CLINT1: variants seen among roughly 807,000 people sequenced by gnomAD.
The protein encoded by CLINT1 is clathrin interactor 1.
In CLINT1, 15 loss-of-function variants were observed where a neutral mutation model predicts 70.4. That is an observed-to-expected ratio of 0.21 (90% CI 0.14 to 0.33). The LOEUF is 0.33. Ranked by LOEUF, CLINT1 falls within the 10% of genes least tolerant of loss-of-function variation. The pLI is 1.00. For missense variants in CLINT1, 615 were observed against 778.1 expected (o/e 0.79, Z 2.49); for synonymous variants, 227 against 254.7 (o/e 0.89, Z 1.04).
intron 1 of CLINT1, among the ~76,000 whole-genome samples, chr5:157,856,812 C>T (rs1221609021): frequency 2.0e-5 from 3 of 152,166 alleles, no homozygotes; most frequent in Admixed American, 6.5e-5. Context: ...AAGTCTACAT[C>T]CTAAATTGGG....
chr5:157,813,039 T>G (rs1291839628), intron 5 of CLINT1, 24 bp downstream of exon 5: 1 of 1,604,526 alleles, frequency 6.2e-7, no homozygotes, highest in African/African-American at 1.3e-5. Flanking sequence ...GATGCTTAGG[T>G]GTCAGCTTGT....
chr5:157,798,679 T>C (rs1024787217), intron 8 of CLINT1, among the ~76,000 whole-genome samples: 3 of 152,068 alleles, frequency 2.0e-5, no homozygotes, highest in Admixed American at 2.0e-4. Flanking sequence ...AGAACATGAA[T>C]AGATAGTAAC....
chr5:157,845,491 T>C (rs1294615002), intron 1 of CLINT1, among the ~76,000 whole-genome samples: 3 of 152,206 alleles, frequency 2.0e-5, no homozygotes, highest in Non-Finnish European at 4.4e-5. Flanking sequence ...TTACTGTGCT[T>C]TGCTTTACTG....
At chr5:157,838,370 G>A (rs1266316553) in intron 1 of CLINT1, among the ~76,000 whole-genome samples, 1 of 152,156 alleles carries the variant, frequency 6.6e-6, no homozygotes, top group African/African-American at 2.4e-5. Context: ...TGATCCACCT[G>A]CCTCGGCCTC....
chr5:157,823,239 A>C (rs1762930854), intron 1 of CLINT1, among the ~76,000 whole-genome samples: 1 of 152,216 alleles, frequency 6.6e-6, no homozygotes, highest in Non-Finnish European at 1.5e-5. Flanking sequence ...AGTTCCAAGC[A>C]ACAGTTTTAA....
At chr5:157,797,694 G>T (rs1007841696) in intron 8 of CLINT1, among the ~76,000 whole-genome samples, 41 of 152,102 alleles carry the variant, frequency 2.7e-4, no homozygotes, top group Non-Finnish European at 5.7e-4. Context: ...TGGAGTTAGG[G>T]ATTTTCAAAT....
chr5:157,805,866 C>T lies in CLINT1; in HGVS notation c.942G>A (p.Lys314=). Residue 314 remains lysine, a splice_region_variant and synonymous_variant, in exon 7 of 12, where the codon AAG becomes AAA. Coordinates refer to ENST00000411809, the MANE Select transcript of CLINT1 (RefSeq NM_014666.4). ...ASTHTPQSSV[K]TSVPSSKSSG... is the part of the protein sequence containing the mutation. ...ATGTGTAAACTACTGCCATTCCCAC[C>T]TTAACTGAAGACTGAGGTGTGTGGG... The T allele has an allele frequency of 6.2e-7, 1 of 1,613,928 alleles. No individual in the cohort carries two copies. Among genetic ancestry groups the T allele is most frequent in the Non-Finnish European group, 8.5e-7 (1 of 1,179,854 alleles).
chr5:157,828,233 T>A (rs1234215126), intron 1 of CLINT1, among the ~76,000 whole-genome samples: 2 of 152,190 alleles, frequency 1.3e-5, no homozygotes, highest in African/African-American at 4.8e-5. Context: ...CTAAGGCGTT[T>A]TTATTTTCCA....
At chr5:157,804,037 TAAAAA>T (rs3836883) in intron 7 of CLINT1, among the ~76,000 whole-genome samples, 4 of 131,342 alleles carry the variant, frequency 3.0e-5, no homozygotes, top group African/African-American at 5.5e-5. Flanking sequence ...ATCAGTTCAT[TAAAAA>T]AAAAAAAAAA....
intron 1 of CLINT1, among the ~76,000 whole-genome samples, chr5:157,826,614 AGTGACAT>A (rs1763048660): frequency 6.7e-6 from 1 of 149,512 alleles, no homozygotes; most frequent in Non-Finnish European, 1.5e-5. Flanking sequence ...GGTTTAGCCA[AGTGACAT>A]GTTTCCATAC....
intron 5 of CLINT1, 138 bp downstream of exon 5, chr5:157,812,925 G>A: frequency 1.3e-6 from 1 of 748,630 alleles, no homozygotes; most frequent in Non-Finnish European, 2.1e-6. Context: ...GTCAAGATTA[G>A]TACTGCGTGT....
intron 1 of CLINT1, chr5:157,823,807 T>C: frequency 2.3e-6 from 1 of 429,842 alleles, no homozygotes; most frequent in Non-Finnish European, 3.1e-6. Flanking sequence ...CTGTTGGGAA[T>C]GGGGCTGCAT....
At chr5:157,839,328 C>T (rs967314268) in intron 1 of CLINT1, among the ~76,000 whole-genome samples, 2 of 151,734 alleles carry the variant, frequency 1.3e-5, no homozygotes, top group Non-Finnish European at 1.5e-5. Context: ...AGGCCAGGTG[C>T]GGCGGCTTAC....
chr5:157,855,789 G>A (rs2113346670), intron 1 of CLINT1, among the ~76,000 whole-genome samples: 1 of 152,222 alleles, frequency 6.6e-6, no homozygotes, highest in Middle Eastern at 3.4e-3. Flanking sequence ...ACACAGATTA[G>A]CTGGGTGTGG....
In CLINT1 at chr5:157,789,545, A is replaced by C. The variant is rs762095549; in HGVS notation, c.1381-32T>G. 2.5e-6 allele frequency: 4 copies of C among 1,613,848 alleles called. No homozygotes were observed. The African/African-American group carries it at 5.3e-5, about 22-fold the overall frequency. ...ATAGAGAGGATTAGGCTTCTGCAGC[A>C]CTGTGCTAACATTTTGCAAAGGCTG... On this transcript the variant is annotated intron_variant, in intron 10 of 11. Transcript: ENST00000411809.
chr5:157,803,755 GT>G (rs1264342592), intron 7 of CLINT1, 36 bp from the exon 8 acceptor site: 2 of 1,476,668 alleles, frequency 1.4e-6, no homozygotes, highest in Non-Finnish European at 1.8e-6. Flanking sequence ...GCTTCGAAAA[GT>G]TTGTTTTTCT....
intron 3 of CLINT1, among the ~76,000 whole-genome samples, chr5:157,814,872 A>T (rs1734668387): frequency 6.6e-6 from 1 of 151,928 alleles, no homozygotes; most frequent in Non-Finnish European, 1.5e-5. Context: ...GTCTCTACTA[A>T]AAATACAAAA....
At chr5:157,826,372 G>A (rs1266760740) in intron 1 of CLINT1, among the ~76,000 whole-genome samples, 1 of 152,132 alleles carries the variant, frequency 6.6e-6, no homozygotes, top group Non-Finnish European at 1.5e-5. Context: ...ACATAGATTT[G>A]ACTGTGTCAT....
chr5:157,804,590 A>G (rs1762331817), intron 7 of CLINT1, among the ~76,000 whole-genome samples: 1 of 151,854 alleles, frequency 6.6e-6, no homozygotes, highest in Admixed American at 6.6e-5. Flanking sequence ...CCTTCTAGAC[A>G]TTTTTTTTGA....
Sources: allele counts gnomAD v4.1 joint callset (sites outside exome capture counted in the v4.1 genomes callset), GRCh38; gene constraint gnomAD v4.1.1; transcripts MANE v1.5; gene names NCBI Gene and HGNC (gene_info 2026-07-23, HGNC 2026-07-21).